ADCY5: variants seen among roughly 807,000 people sequenced by gnomAD.
The protein encoded by ADCY5 is adenylate cyclase 5.
ADCY5 carries 30 observed loss-of-function variants against 119.7 expected under a neutral mutation model. The observed-to-expected ratio is 0.25, with a 90% CI of 0.19 to 0.34. The LOEUF is 0.34. ADCY5 is among the 10% of genes least tolerant of loss of function. The pLI, the probability that ADCY5 is intolerant of heterozygous loss-of-function variation, is 1.00. For missense variants in ADCY5, 1,324 were observed against 1,775.2 expected (o/e 0.75, Z 4.57); for synonymous variants, 753 against 762.2 (o/e 0.99, Z 0.20).
At chr3:123,344,927 A>G (rs778092930) in intron 3 of ADCY5, among the ~76,000 whole-genome samples, 1 of 152,170 alleles carries the variant, frequency 6.6e-6, no homozygotes, top group Non-Finnish European at 1.5e-5. Flanking sequence ...CTCTGTCCCC[A>G]TGAAAATTAT....
intron 1 of ADCY5, among the ~76,000 whole-genome samples, chr3:123,376,705 TGAA>T (rs1943848449): frequency 6.6e-6 from 1 of 151,700 alleles, no homozygotes; most frequent in Non-Finnish European, 1.5e-5. Flanking sequence ...CTGGCGTGAG[TGAA>T]GATGATGAAC....
intron 14 of ADCY5, 34 bp downstream of exon 14, chr3:123,303,021 C>A: frequency 6.2e-7 from 1 of 1,608,248 alleles, no homozygotes; most frequent in Non-Finnish European, 8.5e-7. Flanking sequence ...AGGGACTCTT[C>A]AGCACTCCCT....
chr3:123,324,953 C>T (rs958081887), intron 8 of ADCY5, among the ~76,000 whole-genome samples: 52 of 152,258 alleles, frequency 3.4e-4, no homozygotes, highest in Non-Finnish European at 6.2e-4. Context: ...CAAGCTGGTG[C>T]CCACCCAACT....
intron 1 of ADCY5, among the ~76,000 whole-genome samples, chr3:123,439,010 C>G (rs1945673981): frequency 6.6e-6 from 1 of 151,434 alleles, no homozygotes; most frequent in Admixed American, 6.6e-5. Flanking sequence ...TCTCAGTCCC[C>G]CAAAGTGCTG....
chr3:123,399,505 T>C (rs1041685650), intron 1 of ADCY5, among the ~76,000 whole-genome samples: 3 of 152,060 alleles, frequency 2.0e-5, no homozygotes, highest in African/African-American at 7.3e-5. Context: ...TTTGTTTTCT[T>C]AGGCTTATTT....
At chr3:123,432,412 G>A (rs1044575923) in intron 1 of ADCY5, among the ~76,000 whole-genome samples, 1 of 152,198 alleles carries the variant, frequency 6.6e-6, no homozygotes, top group Admixed American at 6.5e-5. Context: ...AGAAGGAACC[G>A]GGTGGAGGGA....
At chr3:123,406,825 T>C (rs562874622) in intron 1 of ADCY5, among the ~76,000 whole-genome samples, 1 of 152,128 alleles carries the variant, frequency 6.6e-6, no homozygotes, top group East Asian at 1.9e-4. Flanking sequence ...CTGGGCCCTC[T>C]CCACTTGAGC....
chr3:123,378,076 A>G (rs1398620476), intron 1 of ADCY5, among the ~76,000 whole-genome samples: 1 of 152,226 alleles, frequency 6.6e-6, no homozygotes, highest in African/African-American at 2.4e-5. Context: ...TTCTGAACAA[A>G]GCTAATAACC....
At chr3:123,375,669 G>C (rs1943802255) in intron 1 of ADCY5, among the ~76,000 whole-genome samples, 1 of 152,272 alleles carries the variant, frequency 6.6e-6, no homozygotes, top group Admixed American at 6.5e-5. Context: ...CAGCAGGCCA[G>C]TCATTCTAAC....
chr3:123,311,455 G>T (rs910597267), intron 12 of ADCY5, among the ~76,000 whole-genome samples: 2 of 152,180 alleles, frequency 1.3e-5, no homozygotes, highest in African/African-American at 4.8e-5. Flanking sequence ...CCAGGGAGAC[G>T]CTCCTTTCAT....
chr3:123,332,739 T>C, intron 3 of ADCY5, 64 bp from the exon 4 acceptor site: 1 of 1,074,046 alleles, frequency 9.3e-7, no homozygotes, highest in Non-Finnish European at 1.4e-6. Context: ...CCCAAATTCA[T>C]ACATTACATC....
In ADCY5 at chr3:123,347,909, G is replaced by A. The variant is rs77442307; in HGVS notation, c.1285-6C>T. 6.4e-3 allele frequency: 10,343 copies of A among 1,614,122 alleles called. 58 individuals are homozygous for A. The highest frequency in any genetic ancestry group is 7.9e-3 in the Non-Finnish European group (9,345 of 1,179,996). On this transcript the variant is annotated splice_polypyrimidine_tract_variant and splice_region_variant and intron_variant, in intron 2 of 20. Coordinates refer to ENST00000462833, the MANE Select transcript of ADCY5 (RefSeq NM_183357.3). ...ACAGACAGCAGGAGCCGTTCCTGCA[G>A]AGGGAAGCACATGCTTTCATCACCA...
intron 5 of ADCY5, among the ~76,000 whole-genome samples, chr3:123,329,725 T>A (rs1276324350): frequency 6.6e-6 from 1 of 152,018 alleles, no homozygotes; most frequent in Non-Finnish European, 1.5e-5. Flanking sequence ...CCACTGAGAC[T>A]CCCTGACCCC....
At chr3:123,412,269 A>G (rs372977678) in intron 1 of ADCY5, among the ~76,000 whole-genome samples, 2 of 152,344 alleles carry the variant, frequency 1.3e-5, no homozygotes, top group South Asian at 2.1e-4. Flanking sequence ...TCCTGCCACC[A>G]GGCTGCCCTT....
At position 123,325,384 on chromosome 3, in the gene ADCY5, C is replaced by G; in HGVS notation, c.2026G>C (p.Ala676Pro). 2 of 1,614,130 alleles carry G rather than the reference C, an allele frequency of 1.2e-6. No individual in the cohort carries two copies. Among genetic ancestry groups the G allele is most frequent in the South Asian group, 1.1e-5 (1 of 91,084 alleles). ...SIGHNPPHWG[A>P]ERPFYNHLGG... The stretch of plus-strand genomic sequence containing the variant: ...AGGTGGTTGTAGAAGGGGCGCTCAG[C>G]CCCCCAGTGTGGTGGGTTGTGCCCG... The change falls in exon 8 of 21, where the codon GCT (alanine) becomes CCT (proline). Residue 676 changes from alanine (A) to proline (P), a missense_variant. Around this residue, in one of 6 missense-constraint regions of ADCY5, gnomAD observed 424 missense variants for 546.8 expected, o/e 0.78. Transcript: ENST00000462833.
chr3:123,344,607 T>G (rs191058678), intron 3 of ADCY5, among the ~76,000 whole-genome samples: 1 of 152,302 alleles, frequency 6.6e-6, no homozygotes. Context: ...GTAGGGGCAA[T>G]GTGCAGAACT....
intron 1 of ADCY5, among the ~76,000 whole-genome samples, chr3:123,405,143 G>T (rs559114863): frequency 5.3e-4 from 80 of 152,372 alleles, no homozygotes; most frequent in South Asian, 2.3e-3. Context: ...GAGCAGCCCT[G>T]AAAACAGAGC....
intron 1 of ADCY5, among the ~76,000 whole-genome samples, chr3:123,384,255 T>A (rs1406340798): frequency 1.3e-5 from 2 of 152,262 alleles, no homozygotes; most frequent in African/African-American, 4.8e-5. Flanking sequence ...TGGGACCTGC[T>A]GTCCCCTCTG....
rs1038111568 is a variant in ADCY5 at position 123,448,247 on chromosome 3, T to A, written c.299A>T (p.Lys100Met). Residue 100 changes from lysine to methionine, a missense_variant, in exon 1 of 21, where the codon AAG (lysine) becomes ATG (methionine). By Grantham distance (95) the Lys-to-Met change is moderately conservative. Transcript: ENST00000462833. ...GCCGCCGCGCTCCTGCCAGGCGGAC[T>A]TGGAGCGGAAGCTGAAGCCGAAGCC... ...AGGFGFSFRS[K>M]SAWQERGGDD... The A allele has an allele frequency of 6.7e-7, 1 of 1,486,400 alleles. No individual in the cohort carries two copies. The highest frequency in any genetic ancestry group is 1.4e-5 in the African/African-American group (1 of 69,096). 92.1% of individuals were successfully genotyped at this position (1,486,400 alleles called of 1,614,324 possible). A position where few individuals can be genotyped will look rare whatever the true frequency, so the allele number is the denominator to read the frequency against.
Sources: allele counts gnomAD v4.1 joint callset (sites outside exome capture counted in the v4.1 genomes callset), GRCh38; gene constraint gnomAD v4.1.1; regional missense constraint gnomAD v4.1.1; transcripts MANE v1.5; gene names NCBI Gene and HGNC (gene_info 2026-07-23, HGNC 2026-07-21).